The following ABCB10 variants were observed in gnomAD, a reference collection of about 807,000 sequenced individuals.
The protein encoded by ABCB10 is ATP binding cassette subfamily B member 10, also known as ATP-binding cassette sub-family B member 10, mitochondrial.
In ABCB10, 54 loss-of-function variants were observed where a neutral mutation model predicts 65.4. The ratio of observed to expected loss-of-function variants is 0.83; its 90% confidence interval spans 0.66 to 1.04. ABCB10 has a LOEUF of 1.04. ABCB10 is among the 50% of genes least tolerant of loss of function. The pLI is 0.00. For synonymous variants in ABCB10, 418 were observed against 406.5 expected (o/e 1.03, Z -0.34); for missense variants, 846 against 976.6 (o/e 0.87, Z 1.78).
intron 6 of ABCB10, among the ~76,000 whole-genome samples, chr1:229,534,208 C>G (rs1052275921): frequency 2.9e-4 from 44 of 152,134 alleles, no homozygotes; most frequent in African/African-American, 1.0e-3. Context: ...GAAATGCCAA[C>G]TAAAACAACA....
At chr1:229,545,165 T>C (rs919036996) in intron 3 of ABCB10, among the ~76,000 whole-genome samples, 1 of 152,214 alleles carries the variant, frequency 6.6e-6, no homozygotes, top group African/African-American at 2.4e-5. Flanking sequence ...TTACAAAAAG[T>C]ACCCCAAGTG....
chr1:229,534,814 G>A (rs1662671844), intron 6 of ABCB10, among the ~76,000 whole-genome samples: 1 of 142,968 alleles, frequency 7.0e-6, no homozygotes, highest in Non-Finnish European at 1.5e-5. Flanking sequence ...GGAGGTTGCA[G>A]TGAGCCAAGA....
intron 2 of ABCB10, among the ~76,000 whole-genome samples, chr1:229,548,820 G>A (rs1177370584): frequency 1.3e-4 from 19 of 151,770 alleles, no homozygotes; most frequent in African/African-American, 3.6e-4. Context: ...ACACCACCAC[G>A]CCCGGGTAAT....
At chr1:229,521,368 C>T (rs1237876028) in intron 11 of ABCB10, among the ~76,000 whole-genome samples, 1 of 151,942 alleles carries the variant, frequency 6.6e-6, no homozygotes, top group East Asian at 1.9e-4. Flanking sequence ...CTCCAACAAC[C>T]TTAGCACAGT....
rs1571977954 is a variant in ABCB10, at chr1:229,549,784, T to C, written c.518-350A>G. ...CTCTTGATTTTGGTGTTCATCAGATTGTATTTTTCCTCCATTCATGCTATA... is the reference window on the plus strand; with the variant it reads ...CTCTTGATTTTGGTGTTCATCAGATCGTATTTTTCCTCCATTCATGCTATA... On this transcript the variant is annotated intron_variant, in intron 1 of 12. Transcript: ENST00000344517. 3 of 264,666 alleles carry C rather than the reference T, an allele frequency of 1.1e-5. No individual in the cohort carries two copies. The East Asian group carries it at 2.7e-4, about 24-fold the overall frequency. The allele number at this position is 264,666 out of a possible 1,614,324, so 16.4% of individuals were successfully genotyped here. A position where few individuals can be genotyped will look rare whatever the true frequency, so the allele number is the denominator to read the frequency against.
chr1:229,522,616 T>C (rs1662343231), intron 10 of ABCB10, among the ~76,000 whole-genome samples: 1 of 152,160 alleles, frequency 6.6e-6, no homozygotes, highest in South Asian at 2.1e-4. Flanking sequence ...AGTTGGTAAG[T>C]AGTGGAACTG....
intron 10 of ABCB10, 73 bp from the exon 11 acceptor site, chr1:229,521,708 T>C (rs1452886633): frequency 2.0e-6 from 3 of 1,528,962 alleles, no homozygotes; most frequent in Non-Finnish European, 2.7e-6. Context: ...TGATAAACCA[T>C]ATAGCAATTT....
chr1:229,540,338 C>T (rs1394081155), intron 5 of ABCB10, among the ~76,000 whole-genome samples: 2 of 152,162 alleles, frequency 1.3e-5, no homozygotes, highest in Admixed American at 1.3e-4. Context: ...TGAGGCAGAC[C>T]AGTGCTCAGG....
intron 5 of ABCB10, among the ~76,000 whole-genome samples, 198 bp from the exon 6 acceptor site, chr1:229,539,789 G>T (rs1662799236): frequency 2.0e-5 from 3 of 152,174 alleles, no homozygotes; most frequent in Non-Finnish European, 4.4e-5. Context: ...TCATCACCAT[G>T]AAAACCTATA....
intron 4 of ABCB10, among the ~76,000 whole-genome samples, chr1:229,541,892 T>C (rs1438408179): frequency 6.6e-6 from 1 of 151,440 alleles, no homozygotes; most frequent in East Asian, 1.9e-4. Flanking sequence ...TAAGCTGTGA[T>C]TGTACCACTG....
chr1:229,549,296 C>T lies in ABCB10; in HGVS notation c.656G>A (p.Ser219Asn), dbSNP rs1172187844. The T allele has an allele frequency of 1.2e-6, 2 of 1,614,030 alleles. No homozygotes were observed. The highest frequency in any genetic ancestry group is 1.7e-6 in the Non-Finnish European group (2 of 1,180,050). The part of the protein sequence containing the change: ...DNLTRLCLGL[S>N]AVFLCGAAAN... ...GGCAGCACCACACAGAAACACGGCA[C>T]TGAGCCCTAGGCAGAGGCGGGTCAG... The change falls in exon 2 of 13, where the codon AGT becomes AAT. Residue 219 changes from serine (S) to asparagine (N), a missense_variant. Physicochemically the swap from Ser to Asn is conservative, Grantham distance 46. Coordinates refer to ENST00000344517, the MANE Select transcript of ABCB10 (RefSeq NM_012089.3).
intron 3 of ABCB10, among the ~76,000 whole-genome samples, chr1:229,543,143 A>C (rs531444545): frequency 9.9e-4 from 151 of 151,978 alleles, no homozygotes; most frequent in African/African-American, 3.4e-3. Context: ...AAAAAAAAAA[A>C]AAAAAAACAG....
intron 8 of ABCB10, among the ~76,000 whole-genome samples, chr1:229,529,295 C>CAA (rs59264291): frequency 0.019 from 431 of 23,110 alleles, 89 homozygotes; most frequent in East Asian, 0.046. Context: ...GACTCCGTCT[C>CAA]AAAAAAAAAA....
At chr1:229,553,908 A>C (rs941836508) in intron 1 of ABCB10, among the ~76,000 whole-genome samples, 5 of 152,104 alleles carry the variant, frequency 3.3e-5, no homozygotes, top group African/African-American at 1.2e-4. Flanking sequence ...AACTACACAC[A>C]TATTCAAAGC....
chr1:229,539,391 T>A, intron 6 of ABCB10, 65 bp downstream of exon 6: 1 of 1,574,474 alleles, frequency 6.4e-7, no homozygotes, highest in Non-Finnish European at 8.7e-7. Flanking sequence ...AAGTTCAGTT[T>A]CTCTTTCAGA....
intron 4 of ABCB10, among the ~76,000 whole-genome samples, chr1:229,540,992 GA>G (rs537011224): frequency 2.6e-5 from 4 of 152,062 alleles, no homozygotes; most frequent in African/African-American, 9.6e-5. Context: ...AGTTGTGGGG[GA>G]AAAAAATCTA....
intron 6 of ABCB10, 25 bp downstream of exon 6, chr1:229,539,430 AC>A (rs1662790495): frequency 1.9e-6 from 3 of 1,605,932 alleles, no homozygotes; most frequent in African/African-American, 1.3e-5. Flanking sequence ...AATTTGTAAC[AC>A]CCCAAGCCTA....
chr1:229,549,159 T>C, intron 2 of ABCB10, 75 bp downstream of exon 2: 1 of 1,521,036 alleles, frequency 6.6e-7, no homozygotes, highest in Non-Finnish European at 9.1e-7. Context: ...CACATGAGAT[T>C]TGAGCCCGAA....
chr1:229,519,894 G>A (rs773587969), intron 11 of ABCB10, among the ~76,000 whole-genome samples: 3 of 152,166 alleles, frequency 2.0e-5, no homozygotes, highest in South Asian at 4.1e-4. Flanking sequence ...GGCAGGCTGA[G>A]GGGGGAGGAC....
Sources: gnomAD v4.1 joint callset for allele counts (sites outside exome capture counted in the v4.1 genomes callset) on GRCh38, gnomAD v4.1.1 for gene constraint, MANE v1.5 for transcripts, NCBI Gene and HGNC (gene_info 2026-07-23, HGNC 2026-07-21) for gene names.